Variants in CAPS2 observed in about 807,000 individuals in gnomAD.
The protein encoded by CAPS2 is calcyphosine 2, also known as calcyphosin-2.
A neutral mutation model predicts 86.5 loss-of-function variants in CAPS2; 98 were observed. That is an observed-to-expected ratio of 1.13 (90% confidence interval 0.96 to 1.34). The LOEUF (loss-of-function observed/expected upper bound fraction) is 1.34. Ranked by LOEUF, CAPS2 falls within the 40% of genes most tolerant of loss-of-function variation. The pLI is 0.00. For synonymous variants in CAPS2, 210 were observed against 225.1 expected (o/e 0.93, Z 0.60); for missense variants, 729 against 686.8 (o/e 1.06, Z -0.69).
intron 1 of CAPS2, among the ~76,000 whole-genome samples, chr12:75,383,504 T>C (rs541401410): frequency 1.3e-5 from 2 of 152,312 alleles, no homozygotes; most frequent in East Asian, 3.9e-4. Context: ...TTAATGTATA[T>C]GCACCTAACA....
intron 1 of CAPS2, chr12:75,371,071 T>C (rs1348447092): frequency 1.3e-5 from 2 of 152,252 alleles, no homozygotes; most frequent in African/African-American, 2.4e-5. Context: ...TAAGGAGAAT[T>C]GACTCACATG....
intron 1 of CAPS2, among the ~76,000 whole-genome samples, chr12:75,339,808 C>T (rs56154155): frequency 0.016 from 2,376 of 152,122 alleles, 49 homozygotes; most frequent in African/African-American, 0.054. Flanking sequence ...CTGCATATGG[C>T]TAGCCAGTTC....
chr12:75,375,323 G>T (rs2044594965), intron 1 of CAPS2, among the ~76,000 whole-genome samples: 1 of 152,064 alleles, frequency 6.6e-6, no homozygotes. Flanking sequence ...ACTTCAACTG[G>T]AGGACCACAA....
chr12:75,291,583 A>AGCT (rs1555191987), intron 13 of CAPS2, among the ~76,000 whole-genome samples, 161 bp downstream of exon 13: 1 of 78,770 alleles, frequency 1.3e-5, no homozygotes, highest in African/African-American at 4.2e-5. Context: ...ATATATATAT[A>AGCT]TATATATATA....
chr12:75,374,772 A>G (rs1039834347), intron 1 of CAPS2, among the ~76,000 whole-genome samples: 25 of 152,248 alleles, frequency 1.6e-4, no homozygotes, highest in Admixed American at 1.3e-3. Flanking sequence ...CCTTATGGAC[A>G]GGAATCAAGA....
intron 1 of CAPS2, among the ~76,000 whole-genome samples, chr12:75,356,179 T>G (rs936883649): frequency 2.6e-5 from 4 of 151,996 alleles, no homozygotes; most frequent in Middle Eastern, 3.2e-3. Context: ...AGAAAAGAGA[T>G]GCCAGCAGAT....
chr12:75,301,524 T>C (rs1430174101), intron 8 of CAPS2, among the ~76,000 whole-genome samples: 2 of 152,228 alleles, frequency 1.3e-5, no homozygotes, highest in Admixed American at 1.3e-4. Flanking sequence ...TCCCAGATAC[T>C]AGTCATTGTT....
chr12:75,371,414 C>G (rs2044351076), intron 1 of CAPS2: 1 of 297,996 alleles, frequency 3.4e-6, no homozygotes, highest in African/African-American at 2.3e-5. Context: ...GGTGGGTCTG[C>G]TTTTCCCAGT....
At chr12:75,291,587 A>AGCTTATTTTTAAAAG (rs1269370984) in intron 13 of CAPS2, among the ~76,000 whole-genome samples, 157 bp downstream of exon 13, 2 of 82,112 alleles carry the variant, frequency 2.4e-5, no homozygotes, top group African/African-American at 7.0e-5. Context: ...ATATATATAT[A>AGCTTATTTTTAAAAG]TATATATATA....
intron 1 of CAPS2, chr12:75,371,603 T>C (rs1437159191): frequency 5.8e-6 from 1 of 172,326 alleles, no homozygotes; most frequent in Non-Finnish European, 1.3e-5. Context: ...TATAATTATG[T>C]CTAATATAAT....
intron 1 of CAPS2, among the ~76,000 whole-genome samples, chr12:75,379,597 T>G (rs1360084383): frequency 6.6e-6 from 1 of 152,218 alleles, no homozygotes; most frequent in Non-Finnish European, 1.5e-5. Context: ...TTCAAACTAC[T>G]GAGAATAGTT....
intron 11 of CAPS2, among the ~76,000 whole-genome samples, chr12:75,296,342 A>G (rs1055763845): frequency 6.6e-6 from 1 of 151,152 alleles, no homozygotes; most frequent in Non-Finnish European, 1.5e-5. Context: ...CCCAGGTTGG[A>G]GTGCAGAGGC....
At chr12:75,305,021 A>G in intron 7 of CAPS2, 145 bp from the exon 8 acceptor site, 1 of 553,118 alleles carries the variant, frequency 1.8e-6, no homozygotes, top group Non-Finnish European at 2.9e-6. Flanking sequence ...TAAATTTATT[A>G]AAAAATATTT....
chr12:75,306,322 C>A lies in CAPS2; in HGVS notation c.660-1446G>T, dbSNP rs555123435. The A allele has an allele frequency of 3.6e-4, 198 of 546,296 alleles. 1 individual carries two copies. In the South Asian group the frequency reaches 3.6e-3, roughly 10 times the overall value. The allele number at this position is 546,296 out of a possible 1,614,324, so 33.8% of individuals were successfully genotyped here. Reference sequence around the variant, plus strand: ...GCCAGAGCTCTGCGGGAGGCTAATCCCACTGCCTACTGCTCCTGTAACAGT... The same window carrying A: ...GCCAGAGCTCTGCGGGAGGCTAATCACACTGCCTACTGCTCCTGTAACAGT... On this transcript the variant is annotated intron_variant, in intron 7 of 16. Coordinates refer to ENST00000393284, the Ensembl canonical transcript of CAPS2.
chr12:75,352,662 A>G (rs533445116), intron 1 of CAPS2, among the ~76,000 whole-genome samples: 7 of 152,200 alleles, frequency 4.6e-5, no homozygotes, highest in Non-Finnish European at 8.8e-5. Flanking sequence ...CCTGACAGTT[A>G]TCTGCAGAAC....
chr12:75,299,375 G>A (rs2037434802), intron 9 of CAPS2, among the ~76,000 whole-genome samples: 1 of 151,968 alleles, frequency 6.6e-6, no homozygotes, highest in Admixed American at 6.6e-5. Context: ...CATTTTATCA[G>A]TAATATACAA....
intron 5 of CAPS2, among the ~76,000 whole-genome samples, chr12:75,318,653 C>G (rs2040012204): frequency 1.3e-5 from 2 of 152,144 alleles, no homozygotes; most frequent in South Asian, 4.1e-4. Flanking sequence ...TGATCCTATA[C>G]AAGCTGCTAT....
chr12:75,367,109 T>C (rs2044021913), intron 1 of CAPS2: 8 of 687,074 alleles, frequency 1.2e-5, no homozygotes, highest in South Asian at 7.6e-5. Context: ...GAAAACGTAA[T>C]GGAGAAGACA....
In CAPS2 at chr12:75,304,741, A is replaced by C; in HGVS notation, c.779+16T>G. ...ACATAGTGCATCCTCATTTTATGTA[A>C]TTAAAATCTTCTTACTTTGTTTCAT... On this transcript the variant is annotated intron_variant, in intron 8 of 16. Transcript: ENST00000393284. The C allele has an allele frequency of 6.5e-7, 1 of 1,550,264 alleles. No individual in the cohort carries two copies. The highest frequency in any genetic ancestry group is 8.8e-7 in the Non-Finnish European group (1 of 1,135,362).
Sources: gnomAD v4.1 joint callset for allele counts (sites outside exome capture counted in the v4.1 genomes callset) on GRCh38, gnomAD v4.1.1 for gene constraint, MANE v1.5 for transcripts, NCBI Gene and HGNC (gene_info 2026-07-23, HGNC 2026-07-21) for gene names.